BCL11A: variants seen among roughly 807,000 people sequenced by gnomAD.
BCL11A encodes B cell CLL/lymphoma 11A.
In BCL11A, 2 loss-of-function variants were observed where a neutral mutation model predicts 55.9. The ratio of observed to expected loss-of-function variants is 0.04; its 90% confidence interval spans 0.01 to 0.11. BCL11A has a LOEUF of 0.11. Ranked by LOEUF, BCL11A falls within the 10% of genes least tolerant of loss-of-function variation. The probability of loss-of-function intolerance (pLI) is 1.00; values close to 1 mark genes in which losing one functional copy is unlikely to be tolerated. For synonymous variants in BCL11A, 465 were observed against 473.4 expected (o/e 0.98, Z 0.23); for missense variants, 817 against 1,137.1 (o/e 0.72, Z 4.05).
chr2:60,494,746 A>G (rs1678848125), intron 2 of BCL11A, among the ~76,000 whole-genome samples: 1 of 152,248 alleles, frequency 6.6e-6, no homozygotes, highest in Admixed American at 6.5e-5. Context: ...TAAAGTTCCT[A>G]GAGCAGAGTA....
chr2:60,533,102 T>C (rs1210031351), intron 2 of BCL11A: 1 of 152,226 alleles, frequency 6.6e-6, no homozygotes. Flanking sequence ...TATGTTTCAA[T>C]GTAAAGTGTT....
intron 2 of BCL11A, among the ~76,000 whole-genome samples, chr2:60,492,897 T>C (rs1376031755): frequency 6.6e-6 from 1 of 152,204 alleles, no homozygotes; most frequent in Non-Finnish European, 1.5e-5. Context: ...GCCAGTTGTA[T>C]ACAGCTGTGT....
chr2:60,467,257 G>A (rs1391006055), intron 3 of BCL11A, among the ~76,000 whole-genome samples: 6 of 117,252 alleles, frequency 5.1e-5, no homozygotes, highest in African/African-American at 1.1e-4. Context: ...TGGTAATGGT[G>A]GTGGTGGTGA....
intron 2 of BCL11A, among the ~76,000 whole-genome samples, chr2:60,540,009 A>T (rs1669846767): frequency 6.6e-6 from 1 of 152,230 alleles, no homozygotes; most frequent in South Asian, 2.1e-4. Flanking sequence ...AATAGTAGTC[A>T]TTATCCATTA....
intron 2 of BCL11A, among the ~76,000 whole-genome samples, chr2:60,521,879 C>T (rs1026515087): frequency 2.0e-5 from 3 of 152,298 alleles, no homozygotes; most frequent in Admixed American, 6.5e-5. Flanking sequence ...GCCTCATGCA[C>T]TGAAAAAGAC....
exon 5 of BCL11A, chr2:60,451,870 GTT>G (rs1490867246): frequency 5.3e-6 from 1 of 189,292 alleles, no homozygotes; most frequent in Non-Finnish European, 1.1e-5. Flanking sequence ...AAGTCAGACA[GTT>G]AGGAAAACCA....
intron 2 of BCL11A, among the ~76,000 whole-genome samples, chr2:60,473,728 G>A (rs1023747096): frequency 1.4e-4 from 22 of 152,174 alleles, no homozygotes; most frequent in African/African-American, 5.3e-4. Flanking sequence ...GAGTATTATA[G>A]AGCAAACATT....
At chr2:60,526,523 T>C (rs760885370) in intron 2 of BCL11A, 1 of 152,136 alleles carries the variant, frequency 6.6e-6, no homozygotes, top group Non-Finnish European at 1.5e-5. Flanking sequence ...GGTAATTAAA[T>C]GGGTATTTAT....
At chr2:60,497,089 C>T (rs575026033) in intron 2 of BCL11A, among the ~76,000 whole-genome samples, 131 of 152,344 alleles carry the variant, frequency 8.6e-4, no homozygotes, top group African/African-American at 2.7e-3. Context: ...ACCGCAGACA[C>T]CTGTTGGCCA....
chr2:60,485,683 A>T (rs973874966), intron 2 of BCL11A, among the ~76,000 whole-genome samples: 1 of 152,196 alleles, frequency 6.6e-6, no homozygotes, highest in Non-Finnish European at 1.5e-5. Context: ...AACGCTTGCT[A>T]TTCTGGGGTG....
At chr2:60,489,498 A>C (rs1391945755) in intron 2 of BCL11A, among the ~76,000 whole-genome samples, 1 of 152,192 alleles carries the variant, frequency 6.6e-6, no homozygotes, top group Non-Finnish European at 1.5e-5. Flanking sequence ...CAGGATGACA[A>C]ACAGCCACAC....
chr2:60,553,286 GGGCGGCGGCGGC>G lies in BCL11A; in HGVS notation c.-28_-17del, dbSNP rs748538213. On this transcript the variant is annotated 5_prime_UTR_variant, in exon 1 of 4. Coordinates refer to ENST00000642384, the MANE Select transcript of BCL11A (RefSeq NM_022893.4). The stretch of plus-strand genomic sequence containing the variant: ...GGCGAGACATGGTGGGCTGCGGGGC[GGGCGGCGGCGGC>G]GGCGGCGGCGGCGGCGGGCGGACGA... 6.5e-5 allele frequency: 101 copies of G among 1,554,018 alleles called. No homozygotes were observed. The highest frequency in any genetic ancestry group is 2.0e-4 in the Middle Eastern group (1 of 5,080).
chr2:60,495,937 C>T (rs752361203), intron 2 of BCL11A, among the ~76,000 whole-genome samples: 1 of 147,392 alleles, frequency 6.8e-6, no homozygotes, highest in Non-Finnish European at 1.5e-5. Context: ...CTCTAAATTA[C>T]AAGGGTGTTT....
intron 2 of BCL11A, among the ~76,000 whole-genome samples, chr2:60,512,450 A>T (rs1193396390): frequency 6.6e-6 from 1 of 152,182 alleles, no homozygotes. Context: ...CCTGTGCCAC[A>T]CACACTCGCC....
chr2:60,540,946 T>TTG (rs368895286), intron 2 of BCL11A, among the ~76,000 whole-genome samples: 14,159 of 140,140 alleles, frequency 0.1, 712 homozygotes, highest in East Asian at 0.17. Context: ...AGCACTGGTT[T>TTG]TGTGTGTGTG....
intron 2 of BCL11A, chr2:60,525,139 G>A (rs551416531): frequency 1.3e-5 from 2 of 152,320 alleles, no homozygotes; most frequent in South Asian, 2.1e-4. Flanking sequence ...TTGGGAGGAG[G>A]AAGGAGGAAA....
intron 3 of BCL11A, among the ~76,000 whole-genome samples, chr2:60,468,121 TGTGGTGGTGGTGGTGATGGTG>T (rs1302177313): frequency 6.6e-5 from 4 of 60,318 alleles, no homozygotes; most frequent in Non-Finnish European, 1.0e-4. Flanking sequence ...CAGTGGTGGT[TGTGGTGGTGGTGGTGATGGTG>T]GTGGTGGTGG....
chr2:60,484,674 G>C (rs1180155162), intron 2 of BCL11A, among the ~76,000 whole-genome samples: 2 of 151,852 alleles, frequency 1.3e-5, no homozygotes, highest in Non-Finnish European at 2.9e-5. Context: ...TTAAGAGAAG[G>C]GGGAATTTGG....
intron 2 of BCL11A, among the ~76,000 whole-genome samples, chr2:60,473,432 G>C (rs192333235): frequency 4.6e-5 from 7 of 152,042 alleles, no homozygotes; most frequent in Middle Eastern, 3.4e-3. Flanking sequence ...CAGTCCTTTC[G>C]CAGTCCATAA....
Sources: gnomAD v4.1 joint callset for allele counts (sites outside exome capture counted in the v4.1 genomes callset) on GRCh38, gnomAD v4.1.1 for gene constraint, MANE v1.5 for transcripts, NCBI Gene and HGNC (gene_info 2026-07-23, HGNC 2026-07-21) for gene names.